The following SNTG2 variants were observed in gnomAD, a reference collection of about 807,000 sequenced individuals.
SNTG2 encodes the protein gamma-2-syntrophin.
A neutral mutation model predicts 70.9 loss-of-function variants in SNTG2; 74 were observed. The ratio of observed to expected loss-of-function variants is 1.04; its 90% CI spans 0.86 to 1.27. The LOEUF (loss-of-function observed/expected upper bound fraction) is 1.27, where lower values mean the gene tolerates loss of function less well. Among genes scored for constraint, SNTG2 ranks in the 50% most tolerant of loss-of-function variants. SNTG2 has a pLI of 0.00. For missense variants in SNTG2, 717 were observed against 690.7 expected, an observed-to-expected ratio of 1.04 and a Z score of -0.43; for synonymous variants, 278 against 273.8, an observed-to-expected ratio of 1.02 and a Z score of -0.15.
At chr2:1,297,791 C>G (rs1162257413) in intron 14 of SNTG2, among the ~76,000 whole-genome samples, 2 of 152,212 alleles carry the variant, frequency 1.3e-5, no homozygotes, top group Non-Finnish European at 2.9e-5. Context: ...TGTCCTCGTT[C>G]CACGTTAGGA....
chr2:1,060,928 A>G (rs936513665), intron 1 of SNTG2, among the ~76,000 whole-genome samples: 3 of 152,226 alleles, frequency 2.0e-5, no homozygotes, highest in Non-Finnish European at 2.9e-5. Context: ...AAATGGTAAC[A>G]TTAGGGTGGA....
intron 9 of SNTG2, among the ~76,000 whole-genome samples, chr2:1,236,193 A>C (rs1479138111): frequency 6.6e-6 from 1 of 152,238 alleles, no homozygotes; most frequent in Non-Finnish European, 1.5e-5. Flanking sequence ...GAATTAATGG[A>C]TACTTGGACA....
intron 1 of SNTG2, among the ~76,000 whole-genome samples, chr2:1,052,747 C>T (rs1662147195): frequency 6.6e-6 from 1 of 152,116 alleles, no homozygotes; most frequent in Non-Finnish European, 1.5e-5. Context: ...TGGCTGTGTT[C>T]CAATAAAACT....
chr2:1,024,552 G>A (rs1238101767), intron 1 of SNTG2, among the ~76,000 whole-genome samples: 1 of 152,054 alleles, frequency 6.6e-6, no homozygotes, highest in Non-Finnish European at 1.5e-5. Context: ...TTTTAAAATT[G>A]TTTGTAGAGG....
chr2:1,153,750 C>T (rs4246573), intron 6 of SNTG2, among the ~76,000 whole-genome samples: 150,559 of 152,392 alleles, frequency 0.99, 74,400 homozygotes, highest in Middle Eastern at 1. Context: ...GAAAAAAACA[C>T]TATTGATGCT....
At chr2:1,289,309 C>T (rs1457179323) in intron 14 of SNTG2, among the ~76,000 whole-genome samples, 2 of 152,160 alleles carry the variant, frequency 1.3e-5, no homozygotes, top group South Asian at 2.1e-4. Flanking sequence ...CTTCTGCCGC[C>T]GCCCTTCCCT....
At chr2:971,201 T>G (rs1660728975) in intron 1 of SNTG2, among the ~76,000 whole-genome samples, 1 of 152,246 alleles carries the variant, frequency 6.6e-6, no homozygotes, top group Non-Finnish European at 1.5e-5. Flanking sequence ...TGGAATAGTT[T>G]CATTAGGAAT....
intron 9 of SNTG2, among the ~76,000 whole-genome samples, chr2:1,220,924 A>T (rs573355308): frequency 2.0e-5 from 3 of 152,196 alleles, no homozygotes; most frequent in Admixed American, 2.0e-4. Flanking sequence ...ATGACTACCT[A>T]AGGTAGCTCT....
chr2:1,099,328 C>T (rs1477276162), intron 4 of SNTG2, among the ~76,000 whole-genome samples: 1 of 152,166 alleles, frequency 6.6e-6, no homozygotes, highest in African/African-American at 2.4e-5. Context: ...CCTCATGTGC[C>T]TCACACCGGA....
At chr2:1,220,260 A>T (rs534375097) in intron 9 of SNTG2, among the ~76,000 whole-genome samples, 32 of 152,328 alleles carry the variant, frequency 2.1e-4, no homozygotes, top group Admixed American at 7.8e-4. Context: ...GGGCCAGGAG[A>T]TCAGGGCTTG....
intron 6 of SNTG2, chr2:1,163,359 G>A (rs1004947350): frequency 2.7e-5 from 4 of 146,884 alleles, no homozygotes; most frequent in South Asian, 2.1e-4. Context: ...GGTGTGTGAA[G>A]TCTTCCCAAC....
At chr2:1,096,779 G>A (rs1665418883) in intron 2 of SNTG2, among the ~76,000 whole-genome samples, 1 of 152,126 alleles carries the variant, frequency 6.6e-6, no homozygotes. Context: ...GCTTTGATGA[G>A]CAGGTTTAAG....
At chr2:1,267,904 G>A (rs36143107) in intron 14 of SNTG2, among the ~76,000 whole-genome samples, 29,101 of 152,156 alleles carry the variant, frequency 0.19, 3,552 homozygotes, top group African/African-American at 0.33. Context: ...CCTGTGCTCC[G>A]GGAGACAGAA....
At chr2:1,103,161 A>T (rs1440876012) in intron 4 of SNTG2, among the ~76,000 whole-genome samples, 5 of 152,302 alleles carry the variant, frequency 3.3e-5, no homozygotes, top group African/African-American at 1.2e-4. Context: ...TCCTCAGTGC[A>T]GATATAGGGT....
At chr2:1,044,628 A>G (rs1558337175) in intron 1 of SNTG2, among the ~76,000 whole-genome samples, 1 of 152,058 alleles carries the variant, frequency 6.6e-6, no homozygotes, top group Admixed American at 6.6e-5. Flanking sequence ...AAAGCTTTTT[A>G]TGTGTTTATT....
intron 6 of SNTG2, among the ~76,000 whole-genome samples, chr2:1,163,020 G>A (rs1670433526): frequency 6.6e-6 from 1 of 152,208 alleles, no homozygotes; most frequent in Admixed American, 6.5e-5. Context: ...TGGGGGCCCA[G>A]CCTGTGGAGC....
chr2:1,262,442 T>C (rs965460574), intron 13 of SNTG2, among the ~76,000 whole-genome samples: 1 of 152,182 alleles, frequency 6.6e-6, no homozygotes, highest in Non-Finnish European at 1.5e-5. Flanking sequence ...CAGTCCTGGG[T>C]TGTACAGCCA....
At chr2:990,235 T>G (rs1448543499) in intron 1 of SNTG2, among the ~76,000 whole-genome samples, 2 of 152,216 alleles carry the variant, frequency 1.3e-5, no homozygotes, top group African/African-American at 4.8e-5. Flanking sequence ...GGAGCCTGGC[T>G]CTGGAGCCGC....
chr2:977,967 A>T (rs189714988), intron 1 of SNTG2, among the ~76,000 whole-genome samples: 45 of 152,290 alleles, frequency 3.0e-4, no homozygotes, highest in Non-Finnish European at 1.3e-4. Context: ...ATTATCTGTA[A>T]CATCAGCCTA....
Sources: allele counts gnomAD v4.1 joint callset (sites outside exome capture counted in the v4.1 genomes callset), GRCh38; gene constraint gnomAD v4.1.1; transcripts MANE v1.5; gene names NCBI Gene and HGNC (gene_info 2026-07-23, HGNC 2026-07-21).